MAPRE1: variants seen among roughly 807,000 people sequenced by gnomAD.
The protein encoded by MAPRE1 is microtubule associated protein RP/EB family member 1.
MAPRE1 carries 5 observed loss-of-function variants against 32.1 expected under a neutral mutation model. The ratio of observed to expected loss-of-function variants is 0.16; its 90% CI spans 0.08 to 0.33. The LOEUF (loss-of-function observed/expected upper bound fraction) is 0.33. MAPRE1 is among the 10% of genes least tolerant of loss of function. MAPRE1 has a pLI of 1.00. For synonymous variants in MAPRE1, 122 were observed against 118.9 expected, an observed-to-expected ratio of 1.03 and a Z score of -0.17; for missense variants, 209 against 327.2, an observed-to-expected ratio of 0.64 and a Z score of 2.79.
At position 32,844,439 on chromosome 20, in the gene MAPRE1, C is replaced by CTTTTTTTTTTTTTTTTTT. The variant is rs71190880; in HGVS notation, c.598-2165_598-2148dup. 1.5e-4 allele frequency among the ~76,000 whole-genome samples: 8 copies of CTTTTTTTTTTTTTTTTTT among 52,050 alleles called. 1 individual carries two copies. The highest frequency in any genetic ancestry group is 2.9e-4 in the African/African-American group (4 of 13,720). The allele number at this position is 52,050 out of a possible 152,430, so 34.1% of individuals were successfully genotyped here. A position where few individuals can be genotyped will look rare whatever the true frequency, so the allele number is the denominator to read the frequency against. ...CTAGGTGGATACCAAGCTAGCATTC[C>CTTTTTTTTTTTTTTTTTT]TTTTTTTTTTTTTTTTTTTTTTTTT... is the stretch of plus-strand genomic sequence containing the variant. On this transcript the variant is annotated intron_variant, in intron 5 of 6. Transcript: ENST00000375571.
intron 4 of MAPRE1, among the ~76,000 whole-genome samples, chr20:32,837,773 A>G (rs1201091132): frequency 6.6e-6 from 1 of 152,194 alleles, no homozygotes; most frequent in African/African-American, 2.4e-5. Context: ...ATTTTAGAAC[A>G]TTTTCATCAC....
intron 3 of MAPRE1, among the ~76,000 whole-genome samples, chr20:32,835,364 G>GGTTTT (rs758846726): frequency 4.7e-5 from 5 of 106,658 alleles, no homozygotes; most frequent in Non-Finnish European, 6.8e-5. Context: ...TTTTATTGGT[G>GGTTTT]TTTTTTTTTT....
chr20:32,849,698 T>C lies in MAPRE1; in HGVS notation c.*970T>C, dbSNP rs1276044865. The C allele has an allele frequency of 6.6e-6, 1 of 152,556 alleles. No homozygotes were observed. The highest frequency in any genetic ancestry group is 1.5e-5 in the Non-Finnish European group (1 of 68,054). 9.5% of individuals were successfully genotyped at this position (152,556 alleles called of 1,614,324 possible). On this transcript the variant is annotated 3_prime_UTR_variant, in exon 7 of 7. Coordinates refer to ENST00000375571, the MANE Select transcript of MAPRE1 (RefSeq NM_012325.3). ...GCTCCTTGAAGTTTGCTGCTTAGAG[T>C]TGGAAGTGCAGCAGGCAGGTGATCA...
intron 3 of MAPRE1, among the ~76,000 whole-genome samples, chr20:32,836,098 A>G (rs188559283): frequency 6.2e-4 from 94 of 152,084 alleles, no homozygotes; most frequent in African/African-American, 2.2e-3. Flanking sequence ...AGCTGGGACC[A>G]TAGGCGCATG....
chr20:32,823,987 G>T (rs1982772368), intron 1 of MAPRE1, among the ~76,000 whole-genome samples: 2 of 152,212 alleles, frequency 1.3e-5, no homozygotes, highest in Admixed American at 6.5e-5. Context: ...GGGCTGGAGA[G>T]CCCTATCTCT....
chr20:32,842,400 A>G (rs557490391), intron 5 of MAPRE1, among the ~76,000 whole-genome samples: 2 of 152,310 alleles, frequency 1.3e-5, no homozygotes, highest in African/African-American at 4.8e-5. Context: ...TAACATTTTA[A>G]AAGTGCTTAT....
chr20:32,845,887 C>T (rs1001618269), intron 5 of MAPRE1, among the ~76,000 whole-genome samples: 1 of 152,116 alleles, frequency 6.6e-6, no homozygotes, highest in Admixed American at 6.6e-5. Flanking sequence ...GTGGCTGTAC[C>T]TTTGATTTTG....
At chr20:32,840,605 G>T (rs1025746302) in intron 5 of MAPRE1, among the ~76,000 whole-genome samples, 4 of 152,102 alleles carry the variant, frequency 2.6e-5, no homozygotes, top group Non-Finnish European at 5.9e-5. Flanking sequence ...AGTTACAGGT[G>T]TGAGTCACCA....
intron 2 of MAPRE1, among the ~76,000 whole-genome samples, chr20:32,832,525 G>T: frequency 6.8e-6 from 1 of 146,456 alleles, no homozygotes. Flanking sequence ...GGAGTGCAGT[G>T]ATGTGATCAT....
intron 1 of MAPRE1, among the ~76,000 whole-genome samples, chr20:32,822,629 C>G (rs1250466047): frequency 6.6e-6 from 1 of 152,152 alleles, no homozygotes; most frequent in Non-Finnish European, 1.5e-5. Context: ...TTAAACCCTT[C>G]TATGACCCTT....
chr20:32,846,318 G>A (rs886392638), intron 5 of MAPRE1, among the ~76,000 whole-genome samples: 1 of 152,206 alleles, frequency 6.6e-6, no homozygotes, highest in African/African-American at 2.4e-5. Context: ...TACCTTGCTA[G>A]GCTGTAATTG....
At chr20:32,821,809 G>C (rs558417521) in intron 1 of MAPRE1, among the ~76,000 whole-genome samples, 5 of 152,288 alleles carry the variant, frequency 3.3e-5, no homozygotes, top group African/African-American at 1.2e-4. Flanking sequence ...ATCTTGCTAG[G>C]AGAGCTGCTG....
intron 2 of MAPRE1, among the ~76,000 whole-genome samples, chr20:32,827,235 G>A (rs549522780): frequency 6.6e-6 from 1 of 151,918 alleles, no homozygotes; most frequent in East Asian, 1.9e-4. Flanking sequence ...GTGAAACCCC[G>A]TCTCTACTAA....
At chr20:32,848,500 T>C (rs1983565950) in intron 6 of MAPRE1, among the ~76,000 whole-genome samples, 172 bp from the exon 7 acceptor site, 1 of 152,174 alleles carries the variant, frequency 6.6e-6, no homozygotes, top group Admixed American at 6.6e-5. Flanking sequence ...GTGCTCAGTT[T>C]TTGTCTTTGG....
In MAPRE1 at chr20:32,849,555, G is replaced by A. The variant is rs1287072808; in HGVS notation, c.*827G>A. 1 of 152,494 alleles carries A rather than the reference G, an allele frequency of 6.6e-6. No homozygotes were observed. Among genetic ancestry groups the A allele is most frequent in the Non-Finnish European group, 1.5e-5 (1 of 68,026 alleles). The allele number at this position is 152,494 out of a possible 1,614,324, so 9.4% of individuals were successfully genotyped here. A position where few individuals can be genotyped will look rare whatever the true frequency, so the allele number is the denominator to read the frequency against. On this transcript the variant is annotated 3_prime_UTR_variant, in exon 7 of 7. Transcript: ENST00000375571. ...TTTTAATCTAACAACTACTTTTGGG[G>A]ACTTGCCCACATCTCTGGGATTTGA...
At chr20:32,839,621 C>T (rs1410928571) in intron 4 of MAPRE1, 114 bp from the exon 5 acceptor site, 4 of 1,427,162 alleles carry the variant, frequency 2.8e-6, no homozygotes, top group African/African-American at 1.4e-5. Context: ...TGGTTCCCTT[C>T]ACTGAACACC....
chr20:32,835,049 G>A (rs1983148305), intron 3 of MAPRE1, among the ~76,000 whole-genome samples: 1 of 152,088 alleles, frequency 6.6e-6, no homozygotes, highest in Non-Finnish European at 1.5e-5. Context: ...ATTGCAACTG[G>A]AATCTTTGGA....
chr20:32,832,735 T>G (rs1215765635), intron 2 of MAPRE1, among the ~76,000 whole-genome samples: 1 of 151,838 alleles, frequency 6.6e-6, no homozygotes, highest in Non-Finnish European at 1.5e-5. Context: ...GTGTTGAGAT[T>G]ACAGGCGTGA....
intron 3 of MAPRE1, among the ~76,000 whole-genome samples, chr20:32,834,455 C>T (rs967410498): frequency 6.6e-6 from 1 of 151,908 alleles, no homozygotes. Flanking sequence ...ACAAATATTA[C>T]CTCTGTTTTA....
Sources: allele counts gnomAD v4.1 joint callset (sites outside exome capture counted in the v4.1 genomes callset), GRCh38; gene constraint gnomAD v4.1.1; transcripts MANE v1.5; gene names NCBI Gene and HGNC (gene_info 2026-07-23, HGNC 2026-07-21).